Variants in TAFA4 observed in about 807,000 individuals in gnomAD.
TAFA4 encodes TAFA chemokine like family member 4, also known as chemokine-like protein TAFA-4.
A neutral mutation model predicts 21.1 loss-of-function variants in TAFA4; 20 were observed. The observed-to-expected ratio is 0.95, with a 90% CI of 0.67 to 1.38. TAFA4 has a LOEUF of 1.38. TAFA4 is among the 40% of genes most tolerant of loss of function. The pLI, the probability that TAFA4 is intolerant of heterozygous loss-of-function variation, is 0.00. For synonymous variants in TAFA4, 71 were observed against 67.4 expected (o/e 1.05, Z -0.26); for missense variants, 211 against 180.9 (o/e 1.17, Z -0.95).
chr3:68,739,507 C>G (rs1224432050), intron 4 of TAFA4, among the ~76,000 whole-genome samples: 1 of 152,142 alleles, frequency 6.6e-6, no homozygotes, highest in Non-Finnish European at 1.5e-5. Context: ...AACTAAAAAT[C>G]AACCACTGAA....
In TAFA4 at chr3:68,801,811, G is replaced by T. The variant is rs137934254; in HGVS notation, c.131-48793C>A. Among the ~76,000 whole-genome samples, 31 of 152,270 alleles carry T rather than the reference G, an allele frequency of 2.0e-4. No individual in the cohort carries two copies. The East Asian group carries it at 3.9e-3, about 19-fold the overall frequency. On this transcript the variant is annotated intron_variant, in intron 3 of 5. Coordinates refer to ENST00000295569, the MANE Select transcript of TAFA4 (RefSeq NM_182522.5). The stretch of plus-strand genomic sequence containing the variant: ...CCCTACAAAAAGATACAGTGGGCCA[G>T]ATTTGATCAAAGTTTACCAACCTCT...
intron 1 of TAFA4, among the ~76,000 whole-genome samples, chr3:68,900,653 G>C (rs1019030067): frequency 1.3e-5 from 2 of 152,062 alleles, no homozygotes; most frequent in Admixed American, 6.6e-5. Flanking sequence ...GCTCCGTGAG[G>C]GCAAAGATCA....
At chr3:68,865,016 T>C (rs1445781713) in intron 3 of TAFA4, among the ~76,000 whole-genome samples, 1 of 152,124 alleles carries the variant, frequency 6.6e-6, no homozygotes, top group Non-Finnish European at 1.5e-5. Context: ...GTGAAGGGTT[T>C]ATTCATTACT....
intron 1 of TAFA4, among the ~76,000 whole-genome samples, chr3:68,908,749 T>C (rs1185114416): frequency 6.6e-6 from 1 of 152,240 alleles, no homozygotes; most frequent in African/African-American, 2.4e-5. Flanking sequence ...ATTCATCTTA[T>C]GTTTCATTAA....
intron 3 of TAFA4, among the ~76,000 whole-genome samples, chr3:68,844,017 T>C (rs1286125904): frequency 3.9e-5 from 6 of 152,226 alleles, no homozygotes; most frequent in Non-Finnish European, 8.8e-5. Context: ...GGTATCAGGA[T>C]GACACTGGCC....
intron 3 of TAFA4, among the ~76,000 whole-genome samples, chr3:68,795,278 G>C (rs1472346131): frequency 1.3e-5 from 2 of 151,094 alleles, no homozygotes; most frequent in Non-Finnish European, 2.9e-5. Flanking sequence ...ACAATTGTTA[G>C]TTTGGGGCCA....
rs145022662 is a variant in TAFA4 at position 68,863,238 on chromosome 3, C to A, written c.130+17492G>T. Among the ~76,000 whole-genome samples the A allele has an allele frequency of 7.5e-4, 113 of 150,868 alleles. 2 individuals are homozygous for A. The East Asian group carries it at 0.018, about 24-fold the overall frequency. Reference sequence around the variant, plus strand: ...AGCCTCCTAGGTGACAGAGTGAGACCCTGTCTCAAAAAAAAGATAGAAAAA... The same window carrying A: ...AGCCTCCTAGGTGACAGAGTGAGACACTGTCTCAAAAAAAAGATAGAAAAA... On this transcript the variant is annotated intron_variant, in intron 3 of 5. Transcript: ENST00000295569.
chr3:68,782,986 G>A (rs1703179250), intron 3 of TAFA4, among the ~76,000 whole-genome samples: 1 of 152,200 alleles, frequency 6.6e-6, no homozygotes, highest in African/African-American at 2.4e-5. Context: ...TCCAAGGAAT[G>A]CAGTTGATTT....
intron 3 of TAFA4, among the ~76,000 whole-genome samples, chr3:68,840,666 A>T (rs1704639671): frequency 6.6e-6 from 1 of 152,198 alleles, no homozygotes; most frequent in African/African-American, 2.4e-5. Context: ...ACATTCACAT[A>T]TATAGAATAT....
chr3:68,739,656 A>G (rs1702311362), intron 4 of TAFA4, among the ~76,000 whole-genome samples: 3 of 152,206 alleles, frequency 2.0e-5, no homozygotes, highest in Admixed American at 1.3e-4. Flanking sequence ...GATAAAGAAA[A>G]TGTGGTATAG....
intron 1 of TAFA4, among the ~76,000 whole-genome samples, chr3:68,899,724 G>A (rs1236737977): frequency 6.6e-6 from 1 of 152,062 alleles, no homozygotes; most frequent in East Asian, 1.9e-4. Context: ...CACAAGAGAT[G>A]CACCACACAC....
At chr3:68,887,940 C>G (rs917160423) in intron 1 of TAFA4, among the ~76,000 whole-genome samples, 1 of 152,102 alleles carries the variant, frequency 6.6e-6, no homozygotes, top group Non-Finnish European at 1.5e-5. Flanking sequence ...CCTTAGTATT[C>G]TCTCCCAAAT....
intron 5 of TAFA4, among the ~76,000 whole-genome samples, chr3:68,734,134 A>C (rs1339463547): frequency 6.6e-6 from 1 of 152,194 alleles, no homozygotes; most frequent in African/African-American, 2.4e-5. Flanking sequence ...ATGAATGGGC[A>C]TTGCTTTGTT....
intron 1 of TAFA4, among the ~76,000 whole-genome samples, chr3:68,902,711 T>C (rs771041366): frequency 1.3e-5 from 2 of 152,176 alleles, no homozygotes; most frequent in African/African-American, 2.4e-5. Context: ...ACCTTGTCTT[T>C]TGGTCTTCCT....
intron 4 of TAFA4, 91 bp from the exon 5 acceptor site, chr3:68,739,290 T>C (rs1179930915): frequency 1.4e-6 from 2 of 1,429,116 alleles, no homozygotes; most frequent in East Asian, 2.3e-5. Flanking sequence ...GTACACTGAG[T>C]TCAAAGATTG....
At chr3:68,837,225 G>A (rs888163037) in intron 3 of TAFA4, among the ~76,000 whole-genome samples, 1 of 152,190 alleles carries the variant, frequency 6.6e-6, no homozygotes, top group African/African-American at 2.4e-5. Flanking sequence ...TATGCTAAAT[G>A]ATGTCCAAGA....
chr3:68,913,064 G>C (rs973253733), intron 1 of TAFA4, among the ~76,000 whole-genome samples: 20 of 152,086 alleles, frequency 1.3e-4, no homozygotes, highest in African/African-American at 4.8e-4. Context: ...GCCTGTCCTA[G>C]AGGAATTAAC....
intron 3 of TAFA4, among the ~76,000 whole-genome samples, chr3:68,760,467 T>C (rs566716931): frequency 1.3e-5 from 2 of 152,300 alleles, no homozygotes; most frequent in South Asian, 4.1e-4. Context: ...TATGCTATTA[T>C]TTCCCTTGCA....
intron 3 of TAFA4, among the ~76,000 whole-genome samples, chr3:68,777,766 G>A (rs1199507349): frequency 6.6e-6 from 1 of 152,148 alleles, no homozygotes. Context: ...AATGGTGGAA[G>A]TATGAGGTTA....
Sources: allele counts gnomAD v4.1 joint callset (sites outside exome capture counted in the v4.1 genomes callset), GRCh38; gene constraint gnomAD v4.1.1; transcripts MANE v1.5; gene names NCBI Gene and HGNC (gene_info 2026-07-23, HGNC 2026-07-21).